The following HEPH variants were observed in gnomAD, a reference collection of about 807,000 sequenced individuals.
The protein encoded by HEPH is hephaestin.
In HEPH, 69 loss-of-function variants were observed where a neutral mutation model predicts 80.8. The ratio of observed to expected loss-of-function variants is 0.85; its 90% CI spans 0.70 to 1.04. The LOEUF is 1.04. HEPH is among the 50% of genes least tolerant of loss of function. HEPH has a pLI of 0.00. For missense variants in HEPH, 1,115 were observed against 891.3 expected (o/e 1.25, Z -3.20); for synonymous variants, 431 against 322.8 (o/e 1.34, Z -3.60).
Position 66,239,280 on chromosome X carries a change from G to T in HEPH, c.2564-15755G>T, listed in dbSNP as rs188863910. Among the ~76,000 whole-genome samples the T allele has an allele frequency of 7.7e-3, 858 of 111,604 alleles. 30 individuals are homozygous for T. Among genetic ancestry groups the T allele is most frequent in the Admixed American group, 0.07 (728 of 10,473 alleles). ...TTCCCCTTAATTTGTTGGGGACCAGGAATAAGTCCGAGTGCATGGTAGCCC... is the reference window on the plus strand; with the variant it reads ...TTCCCCTTAATTTGTTGGGGACCAGTAATAAGTCCGAGTGCATGGTAGCCC... On this transcript the variant is annotated intron_variant, in intron 15 of 20. Transcript: ENST00000343002.
intron 15 of HEPH, among the ~76,000 whole-genome samples, chrX:66,231,942 A>G (rs189524951): frequency 1.8e-5 from 2 of 110,699 alleles, no homozygotes; most frequent in Admixed American, 9.6e-5. Flanking sequence ...ATTATTTTGA[A>G]GTACGTCCCA....
chrX:66,241,197 G>A (rs572658346), intron 15 of HEPH, among the ~76,000 whole-genome samples: 1 of 111,972 alleles, frequency 8.9e-6, no homozygotes, highest in South Asian at 3.7e-4. Flanking sequence ...AGCAACTATA[G>A]GATCATGCCT....
chrX:66,224,892 C>T (rs1268320205), intron 15 of HEPH, among the ~76,000 whole-genome samples: 3 of 107,660 alleles, frequency 2.8e-5, no homozygotes, highest in Non-Finnish European at 1.9e-5. Flanking sequence ...TTTGACTTTC[C>T]TTTTACCTCT....
intron 15 of HEPH, among the ~76,000 whole-genome samples, chrX:66,219,813 T>A (rs1479427446): frequency 9.0e-6 from 1 of 111,308 alleles, no homozygotes; most frequent in Non-Finnish European, 1.9e-5. Flanking sequence ...GGTCGGGTAT[T>A]TTGGTGTAAG....
chrX:66,263,035 G>A (rs939288633), intron 19 of HEPH, among the ~76,000 whole-genome samples: 1 of 111,056 alleles, frequency 9.0e-6, no homozygotes, highest in South Asian at 3.9e-4. Context: ...TTGGAATTGA[G>A]GGAGAGGAAG....
intron 15 of HEPH, among the ~76,000 whole-genome samples, chrX:66,218,978 G>A (rs2089520116): frequency 9.0e-6 from 1 of 111,702 alleles, no homozygotes; most frequent in Non-Finnish European, 1.9e-5. Context: ...GCAGAAGTTG[G>A]GCATAAGACA....
In HEPH at chrX:66,197,857, T is replaced by C. The variant is rs2088189782; in HGVS notation, c.1676T>C (p.Val559Ala). ...TCTGGCCTGGTGGGCCCGCTGCTGG[T>C]GTGCAGGGCTGGTGCCTTGGGTGCA... ...TNSGLVGPLL[V>A]CRAGALGADG... The change falls in exon 10 of 21, where the codon GTG (valine) becomes GCG (alanine). Residue 559 changes from valine (V) to alanine (A), a missense_variant. Val to Ala is a moderately conservative substitution (Grantham distance 64). Around this residue, in one of 3 missense-constraint regions of HEPH, gnomAD observed 716 missense variants for 523.5 expected, o/e 1.37. Coordinates refer to ENST00000343002, the MANE Select transcript of HEPH (RefSeq NM_001367233.3). The C allele has an allele frequency of 8.3e-7, 1 of 1,206,048 alleles. No individual in the cohort carries two copies. Among genetic ancestry groups the C allele is most frequent in the Non-Finnish European group, 1.1e-6 (1 of 892,599 alleles).
chrX:66,231,109 G>A (rs1310060441), intron 15 of HEPH, among the ~76,000 whole-genome samples: 1 of 109,500 alleles, frequency 9.1e-6, no homozygotes, highest in Admixed American at 9.8e-5. Flanking sequence ...TCATTTCTGA[G>A]GGCTCTGTTC....
intron 4 of HEPH, among the ~76,000 whole-genome samples, chrX:66,178,780 T>A (rs1286003450): frequency 8.9e-6 from 1 of 112,341 alleles, no homozygotes; most frequent in Non-Finnish European, 1.9e-5. Flanking sequence ...TCGCCCACTT[T>A]TTGATGGGGT....
In HEPH at chrX:66,208,252, T is replaced by A; in HGVS notation, c.2563+6T>A. 3 of 1,201,123 alleles carry A rather than the reference T, an allele frequency of 2.5e-6. No individual in the cohort carries two copies. The highest frequency in any genetic ancestry group is 3.4e-6 in the Non-Finnish European group (3 of 890,475). ...GCCACTGGCTGCTGAGCCTGGTGAG[T>A]GGGGACACTTAGTGAAAGAACAAAG... is the stretch of plus-strand genomic sequence containing the variant. On this transcript the variant is annotated splice_donor_region_variant and intron_variant, in intron 15 of 20. Transcript: ENST00000343002.
rs957707735 is a variant in HEPH, at chrX:66,229,315, A to G, written c.2563+21069A>G. Among the ~76,000 whole-genome samples, 5 of 112,467 alleles carry G rather than the reference A, an allele frequency of 4.4e-5. No homozygotes were observed. The East Asian group carries it at 1.1e-3, about 25-fold the overall frequency. On this transcript the variant is annotated intron_variant, in intron 15 of 20. Coordinates refer to ENST00000343002, the MANE Select transcript of HEPH (RefSeq NM_001367233.3). ...TAGCATTTGCAGCAACCTGGATGGA[A>G]TTGGAAACTGTTATTCTAAGTGAAG...
upstream of HEPH, chrX:66,164,092 T>C: frequency 2.8e-6 from 1 of 354,675 alleles, no homozygotes; most frequent in Non-Finnish European, 3.6e-6. Context: ...TGTTCTCCTC[T>C]CAGCAAAGAC....
At chrX:66,263,977 G>A (rs1206975686) in intron 20 of HEPH, among the ~76,000 whole-genome samples, 1 of 110,561 alleles carries the variant, frequency 9.0e-6, no homozygotes, top group African/African-American at 3.3e-5. Context: ...TGTGAGGGGG[G>A]AAGTAAATTC....
At chrX:66,188,988 C>T (rs549730289) in intron 5 of HEPH, among the ~76,000 whole-genome samples, 2 of 112,568 alleles carry the variant, frequency 1.8e-5, no homozygotes, top group South Asian at 3.7e-4. Flanking sequence ...TATCTCCCAT[C>T]GTACTCTGTG....
intron 12 of HEPH, among the ~76,000 whole-genome samples, chrX:66,202,588 C>T (rs2088519098): frequency 9.0e-6 from 1 of 110,958 alleles, no homozygotes; most frequent in Non-Finnish European, 1.9e-5. Context: ...GAAGGACCTT[C>T]TAAAGCTGTC....
intron 11 of HEPH, among the ~76,000 whole-genome samples, chrX:66,199,369 C>T (rs1047116216): frequency 5.4e-5 from 6 of 110,288 alleles, no homozygotes; most frequent in African/African-American, 2.0e-4. Context: ...GTCCCCCCCC[C>T]CCATACTCCA....
intron 15 of HEPH, among the ~76,000 whole-genome samples, chrX:66,220,155 G>T (rs750110270): frequency 1.8e-4 from 20 of 110,892 alleles, no homozygotes; most frequent in African/African-American, 3.3e-5. Context: ...CTAATTATTG[G>T]GCTTCCTATG....
Position 66,238,130 on chromosome X carries a change from A to G in HEPH, c.2564-16905A>G, listed in dbSNP as rs141841022. Among the ~76,000 whole-genome samples the G allele has an allele frequency of 5.0e-3, 555 of 111,668 alleles. 3 individuals carry two copies. Among genetic ancestry groups the G allele is most frequent in the African/African-American group, 0.016 (490 of 30,742 alleles). On this transcript the variant is annotated intron_variant, in intron 15 of 20. Coordinates refer to ENST00000343002, the MANE Select transcript of HEPH (RefSeq NM_001367233.3). ...TAGCCCATTTACATTCAAGGTTAGT[A>G]TAGGTATGTGTGGATTTGAATCTGT...
At chrX:66,206,257 T>C (rs1602337381) in intron 13 of HEPH, among the ~76,000 whole-genome samples, 1 of 108,341 alleles carries the variant, frequency 9.2e-6, no homozygotes, top group African/African-American at 3.4e-5. Context: ...CTGTGGCTTC[T>C]GATTCTTAGC....
Sources: gnomAD v4.1 joint callset for allele counts (sites outside exome capture counted in the v4.1 genomes callset) on GRCh38, gnomAD v4.1.1 for gene constraint, gnomAD v4.1.1 regional missense constraint, MANE v1.5 for transcripts, NCBI Gene and HGNC (gene_info 2026-07-23, HGNC 2026-07-21) for gene names.